The following RASGRP1 variants were observed in gnomAD, a reference collection of about 807,000 sequenced individuals.
RASGRP1 encodes the protein RAS guanyl releasing protein 1.
RASGRP1 carries 37 observed loss-of-function variants against 95.1 expected under a neutral mutation model. The ratio of observed to expected loss-of-function variants is 0.39; its 90% CI spans 0.30 to 0.51. The LOEUF is 0.51. Among genes scored for constraint, RASGRP1 ranks in the 20% least tolerant of loss-of-function variants. The probability of loss-of-function intolerance (pLI) is 0.80; values close to 1 mark genes in which losing one functional copy is unlikely to be tolerated. For synonymous variants in RASGRP1, 325 were observed against 353.4 expected, an observed-to-expected ratio of 0.92 and a Z score of 0.90; for missense variants, 711 against 965.4, an observed-to-expected ratio of 0.74 and a Z score of 3.49.
intron 2 of RASGRP1, among the ~76,000 whole-genome samples, chr15:38,545,220 T>C (rs1893063296): frequency 6.6e-6 from 1 of 152,228 alleles, no homozygotes. Context: ...CAGATGTTAT[T>C]TCTGTATAAT....
intron 2 of RASGRP1, among the ~76,000 whole-genome samples, chr15:38,536,676 G>C (rs1348458288): frequency 6.6e-6 from 1 of 152,172 alleles, no homozygotes; most frequent in Non-Finnish European, 1.5e-5. Flanking sequence ...TCATTCCAGT[G>C]CATGATGGAA....
chr15:38,536,376 TAAAC>T (rs916789442), intron 2 of RASGRP1, among the ~76,000 whole-genome samples: 1 of 152,120 alleles, frequency 6.6e-6, no homozygotes, highest in African/African-American at 2.4e-5. Flanking sequence ...GAAAAAGAAA[TAAAC>T]AAACTGGGAA....
intron 15 of RASGRP1, among the ~76,000 whole-genome samples, chr15:38,498,275 G>A (rs576750651): frequency 7.2e-5 from 11 of 152,290 alleles, no homozygotes; most frequent in African/African-American, 2.6e-4. Context: ...TAGACATGCA[G>A]CCAAGCAGAC....
intron 8 of RASGRP1, 125 bp downstream of exon 8, chr15:38,511,479 A>G: frequency 1.4e-6 from 1 of 698,158 alleles, no homozygotes; most frequent in South Asian, 1.8e-5. Flanking sequence ...CCTCCCTGCC[A>G]CTTAGCCTGG....
chr15:38,533,732 TA>T (rs1317954565), intron 2 of RASGRP1, among the ~76,000 whole-genome samples: 3 of 152,216 alleles, frequency 2.0e-5, no homozygotes, highest in African/African-American at 7.2e-5. Context: ...AGTGATCTGC[TA>T]AGGATTAAGT....
intron 3 of RASGRP1, among the ~76,000 whole-genome samples, chr15:38,519,754 GA>G (rs988475841): frequency 2.0e-5 from 3 of 150,846 alleles, no homozygotes; most frequent in Non-Finnish European, 4.4e-5. Flanking sequence ...AAATGAAGCA[GA>G]AAAAAAAGAA....
At chr15:38,557,440 C>T (rs548848698) in intron 2 of RASGRP1, among the ~76,000 whole-genome samples, 8 of 152,274 alleles carry the variant, frequency 5.3e-5, no homozygotes, top group South Asian at 2.1e-4. Context: ...ACTGACTTCC[C>T]GCAGCATTCC....
intron 1 of RASGRP1, 140 bp downstream of exon 1, chr15:38,564,454 G>T (rs1214682365): frequency 5.1e-6 from 3 of 590,562 alleles, no homozygotes; most frequent in Middle Eastern, 7.3e-4. Flanking sequence ...TCCGCCCGTC[G>T]CGCTGGTGTC....
At chr15:38,528,988 G>A (rs1386634161) in intron 2 of RASGRP1, among the ~76,000 whole-genome samples, 2 of 152,092 alleles carry the variant, frequency 1.3e-5, no homozygotes, top group Admixed American at 1.3e-4. Flanking sequence ...CATCCTCTCA[G>A]TTACCCCAAC....
At chr15:38,500,559 T>A (rs1890974009) in intron 13 of RASGRP1, among the ~76,000 whole-genome samples, 1 of 152,064 alleles carries the variant, frequency 6.6e-6, no homozygotes, top group African/African-American at 2.4e-5. Flanking sequence ...TTAGGTGGGC[T>A]GGTCTCGAAC....
At chr15:38,526,457 C>T (rs2141140810) in intron 2 of RASGRP1, 53 bp from the exon 3 acceptor site, 1 of 1,392,742 alleles carries the variant, frequency 7.2e-7, no homozygotes, top group African/African-American at 1.4e-5. Context: ...AAACTAGTCA[C>T]CTGGTAGACA....
intron 14 of RASGRP1, 168 bp from the exon 15 acceptor site, chr15:38,499,114 A>G (rs1049575871): frequency 2.2e-6 from 2 of 922,220 alleles, no homozygotes; most frequent in Non-Finnish European, 3.5e-6. Context: ...TCACTTGGTG[A>G]AGCCCAGAGC....
intron 7 of RASGRP1, 113 bp downstream of exon 7, chr15:38,512,670 C>T (rs574805992): frequency 1.0e-4 from 134 of 1,307,948 alleles, no homozygotes; most frequent in African/African-American, 2.2e-4. Flanking sequence ...TCCACCCCCT[C>T]GCCATGGTTC....
In RASGRP1 at chr15:38,498,886, C is replaced by T. The variant is rs370892389; in HGVS notation, c.1781G>A (p.Arg594Gln). The part of the protein sequence containing the change: ...KDLVVFECKK[R>Q]AKNPVAPTEN... ...TGTGGGAGCTACTGGGTTCTTGGCT[C>T]GCTTCTTACACTCAAACACAACCAG... Residue 594 changes from arginine to glutamine, a missense_variant, in exon 15 of 17, where the codon CGA (arginine) becomes CAA (glutamine). By Grantham distance (43) the Arg-to-Gln change is conservative (BLOSUM62 1). Coordinates refer to ENST00000310803, the MANE Select transcript of RASGRP1 (RefSeq NM_005739.4). 2.5e-5 allele frequency: 41 copies of T among 1,613,792 alleles called. No individual in the cohort carries two copies. Among genetic ancestry groups the T allele is most frequent in the African/African-American group, 8.0e-5 (6 of 74,886 alleles).
At chr15:38,561,969 A>C (rs995432070) in intron 1 of RASGRP1, among the ~76,000 whole-genome samples, 7 of 152,240 alleles carry the variant, frequency 4.6e-5, no homozygotes, top group Admixed American at 1.3e-4. Context: ...TGAGGCTTAC[A>C]GCCCAGAAGG....
intron 10 of RASGRP1, chr15:38,504,569 C>T (rs1196663755): frequency 6.6e-6 from 1 of 152,112 alleles, no homozygotes; most frequent in African/African-American, 2.4e-5. Context: ...TCTTTAGGGG[C>T]AATAACATGC....
At chr15:38,497,322 C>T (rs1257451447) in intron 15 of RASGRP1, among the ~76,000 whole-genome samples, 1 of 152,126 alleles carries the variant, frequency 6.6e-6, no homozygotes, top group Non-Finnish European at 1.5e-5. Flanking sequence ...CAGACAGGCA[C>T]CTGTCATTTA....
At chr15:38,501,101 C>A (rs1891002287) in intron 13 of RASGRP1, 42 bp downstream of exon 13, 7 of 1,547,286 alleles carry the variant, frequency 4.5e-6, no homozygotes, top group African/African-American at 1.4e-5. Context: ...ATCCCACACT[C>A]TTCCCCAAAT....
chr15:38,549,264 A>C (rs1485441771), intron 2 of RASGRP1, among the ~76,000 whole-genome samples: 1 of 152,200 alleles, frequency 6.6e-6, no homozygotes, highest in Non-Finnish European at 1.5e-5. Context: ...AGTGTGAAAA[A>C]TCCCCTATGC....
Sources: allele counts gnomAD v4.1 joint callset (sites outside exome capture counted in the v4.1 genomes callset), GRCh38; gene constraint gnomAD v4.1.1; transcripts MANE v1.5; gene names NCBI Gene and HGNC (gene_info 2026-07-23, HGNC 2026-07-21).